The following PAOX variants were observed in gnomAD, a reference collection of about 807,000 sequenced individuals.
PAOX encodes peroxisomal N(1)-acetyl-spermine/spermidine oxidase.
In PAOX, 38 loss-of-function variants were observed where a neutral mutation model predicts 39.0. The ratio of observed to expected loss-of-function variants is 0.97; its 90% CI spans 0.75 to 1.28. The LOEUF (loss-of-function observed/expected upper bound fraction) is 1.28, where lower values mean the gene tolerates loss of function less well. PAOX is among the 50% of genes most tolerant of loss of function. The pLI is 0.00. For missense variants in PAOX, 667 were observed against 685.7 expected (o/e 0.97, Z 0.30); for synonymous variants, 311 against 314.4 (o/e 0.99, Z 0.11).
At chr10:133,389,411 G>C (rs1849609125) in intron 5 of PAOX, among the ~76,000 whole-genome samples, 179 bp from the exon 6 acceptor site, 2 of 152,080 alleles carry the variant, frequency 1.3e-5, no homozygotes. Flanking sequence ...CCGGGTCCCA[G>C]CCCACTGCTC....
intron 1 of PAOX, chr10:133,379,777 G>T (rs1490893552): frequency 8.8e-6 from 5 of 567,332 alleles, no homozygotes; most frequent in Non-Finnish European, 1.4e-5. Flanking sequence ...CCCACCCTGC[G>T]CCCCTCCCTC....
At position 133,383,995 on chromosome 10, in the gene PAOX, C is replaced by T. The variant is rs750263793; in HGVS notation, c.904C>T (p.Pro302Ser). ...GGAACATTTGGACACCTTCTTTGAC[C>T]CTCCCCTGCCGGCTGAGAAGGCAGA... The part of the protein sequence containing the change: ...LREHLDTFFD[P>S]PLPAEKAEAI... Residue 302 changes from proline to serine, a missense_variant, in exon 4 of 7, where the codon CCT (proline) becomes TCT (serine). Pro to Ser is a moderately conservative substitution (Grantham distance 74). Transcript: ENST00000278060. The T allele has an allele frequency of 7.4e-6, 12 of 1,614,098 alleles. No individual in the cohort carries two copies. Among genetic ancestry groups the T allele is most frequent in the Non-Finnish European group, 1.0e-5 (12 of 1,180,000 alleles).
intron 4 of PAOX, among the ~76,000 whole-genome samples, chr10:133,385,068 G>A (rs918492925): frequency 6.6e-6 from 1 of 152,154 alleles, no homozygotes; most frequent in Non-Finnish European, 1.5e-5. Context: ...GGCTGAGGCG[G>A]GTGGATCACC....
At chr10:133,383,618 A>G (rs1589894198) in intron 3 of PAOX, among the ~76,000 whole-genome samples, 1 of 125,982 alleles carries the variant, frequency 7.9e-6, no homozygotes, top group African/African-American at 2.8e-5. Flanking sequence ...AAAAAAAAAA[A>G]AGAAAACCCA....
Position 133,389,576 on chromosome 10 carries a change from T to G in PAOX, c.1235-14T>G. The G allele has an allele frequency of 6.2e-7, 1 of 1,613,896 alleles. No homozygotes were observed. The highest frequency in any genetic ancestry group is 8.5e-7 in the Non-Finnish European group (1 of 1,179,984). On this transcript the variant is annotated splice_polypyrimidine_tract_variant and intron_variant, in intron 5 of 6. Transcript: ENST00000278060. The stretch of plus-strand genomic sequence containing the variant: ...GAGAGTTCTCGGTTAACATGCAGTG[T>G]CTCTGTGGCTCAGGAAACCCACGGC...
chr10:133,383,361 G>A (rs963073479), intron 3 of PAOX, among the ~76,000 whole-genome samples: 7 of 151,898 alleles, frequency 4.6e-5, no homozygotes, highest in Admixed American at 2.6e-4. Context: ...CCAGCACTTC[G>A]GGAGGCTGAG....
At position 133,384,008 on chromosome 10, in the gene PAOX, C is replaced by G; in HGVS notation, c.917C>G (p.Ala306Gly). The G allele has an allele frequency of 1.2e-6, 2 of 1,614,210 alleles. No homozygotes were observed. The highest frequency in any genetic ancestry group is 4.5e-5 in the East Asian group (2 of 44,886). The change falls in exon 4 of 7, where the codon GCT becomes GGT. Residue 306 changes from alanine (A) to glycine (G), a missense_variant. By Grantham distance (60) the Ala-to-Gly change is moderately conservative. Coordinates refer to ENST00000278060, the MANE Select transcript of PAOX (RefSeq NM_152911.4). This position sits in a 1 kb window ranked among gnomAD's most constrained non-coding sequence, Gnocchi z 4.3. ...LDTFFDPPLP[A>G]EKAEAIRKIG... ...ACCTTCTTTGACCCTCCCCTGCCGG[C>G]TGAGAAGGCAGAAGCAATCAGGAAG...
Position 133,391,611 on chromosome 10 carries a change from A to G in PAOX, c.*156A>G, listed in dbSNP as rs886658225. The G allele has an allele frequency of 1.7e-6, 2 of 1,201,236 alleles. No homozygotes were observed. The highest frequency in any genetic ancestry group is 1.6e-5 in the South Asian group (1 of 62,030). 74.4% of individuals were successfully genotyped at this position (1,201,236 alleles called of 1,614,324 possible). On this transcript the variant is annotated 3_prime_UTR_variant, in exon 7 of 7. Transcript: ENST00000278060. ...CACCTTCTCAGTTCTTGTGTCTGTT[A>G]TTGGAGTCTGGCCAGGGTTGACTTG...
Position 133,391,483 on chromosome 10 carries a change from G to C in PAOX, c.*28G>C. On this transcript the variant is annotated 3_prime_UTR_variant, in exon 7 of 7. Transcript: ENST00000278060. ...GGGCCCAGCCTACTCTGTTCCACCC[G>C]TGTCGGGGGTAGGCTGGGACCCTCA... is the stretch of plus-strand genomic sequence containing the variant. The C allele has an allele frequency of 6.3e-7, 1 of 1,582,262 alleles. No homozygotes were observed. Among genetic ancestry groups the C allele is most frequent in the Non-Finnish European group, 8.6e-7 (1 of 1,164,300 alleles).
At chr10:133,391,069 A>C in intron 6 of PAOX, 1 of 697,652 alleles carries the variant, frequency 1.4e-6, no homozygotes, top group Non-Finnish European at 2.6e-6. Flanking sequence ...GATGCGTGTG[A>C]GCCGTTTTCC....
In PAOX at chr10:133,380,462, G is replaced by T; in HGVS notation, c.645G>T (p.Pro215=). ...CCTTTGGGGAGTATACCGTGCTGCCGGGGCTGGACTGCACCTTTTCTAAGT... is the reference window on the plus strand; with the variant it reads ...CCTTTGGGGAGTATACCGTGCTGCCTGGGCTGGACTGCACCTTTTCTAAGT... ...LAPFGEYTVL[P]GLDCTFSKGY... Residue 215 remains proline (P), a synonymous_variant, in exon 2 of 7, where the codon CCG becomes CCT. Coordinates refer to ENST00000278060, the MANE Select transcript of PAOX (RefSeq NM_152911.4). 1.2e-6 allele frequency: 2 copies of T among 1,610,030 alleles called. No homozygotes were observed. The highest frequency in any genetic ancestry group is 1.7e-6 in the Non-Finnish European group (2 of 1,179,738).
intron 6 of PAOX, among the ~76,000 whole-genome samples, chr10:133,390,518 A>C (rs1849647476): frequency 1.3e-5 from 2 of 152,148 alleles, no homozygotes; most frequent in African/African-American, 4.8e-5. Context: ...TTGAGGCTGG[A>C]GTAAGCTATG....
intron 6 of PAOX, 100 bp downstream of exon 6, chr10:133,389,847 G>C: frequency 7.9e-7 from 1 of 1,272,192 alleles, no homozygotes; most frequent in Non-Finnish European, 1.0e-6. Context: ...GGTGGGCTGG[G>C]ATCCCAGACT....
intron 3 of PAOX, among the ~76,000 whole-genome samples, chr10:133,382,146 G>A (rs1413533290): frequency 1.3e-5 from 2 of 152,194 alleles, no homozygotes; most frequent in East Asian, 1.9e-4. Flanking sequence ...CTGTCAACTG[G>A]ACATTTGCTT....
chr10:133,380,148 C>T lies in PAOX; in HGVS notation c.331C>T (p.Pro111Ser), dbSNP rs770088390. ...GGAGACCGGGGGTCACGTGGGCCTG[C>T]CCTCCGTGAGCTACGCCAGCTCCGG... ...LVETGGHVGL[P>S]SVSYASSGAS... Residue 111 changes from proline to serine, a missense_variant, in exon 2 of 7, where the codon CCC (proline) becomes TCC (serine). Pro to Ser is a moderately conservative substitution (Grantham distance 74). Coordinates refer to ENST00000278060, the MANE Select transcript of PAOX (RefSeq NM_152911.4). The T allele has an allele frequency of 2.5e-6, 4 of 1,600,598 alleles. No individual in the cohort carries two copies. Among genetic ancestry groups the T allele is most frequent in the Non-Finnish European group, 2.6e-6 (3 of 1,172,542 alleles).
At chr10:133,389,308 ATT>A (rs1420143436) in intron 5 of PAOX, among the ~76,000 whole-genome samples, 2 of 152,076 alleles carry the variant, frequency 1.3e-5, no homozygotes, top group African/African-American at 4.8e-5. Context: ...CCTTGATCAG[ATT>A]TTTACAGAGG....
chr10:133,379,622 C>T, intron 1 of PAOX, 125 bp downstream of exon 1: 2 of 814,082 alleles, frequency 2.5e-6, no homozygotes, highest in Non-Finnish European at 1.6e-6. Context: ...AGGGAATCCC[C>T]GCTCGCTTAA....
At chr10:133,383,750 A>G (rs745662108) in intron 3 of PAOX, among the ~76,000 whole-genome samples, 9 of 152,230 alleles carry the variant, frequency 5.9e-5, no homozygotes, top group Non-Finnish European at 1.3e-4. Flanking sequence ...GGCTGCAGTG[A>G]GCCCTGATCA....
rs1349572506 is a variant in PAOX at position 133,391,378 on chromosome 10, C to G, written c.1459C>G (p.Leu487Val). 1.2e-6 allele frequency: 2 copies of G among 1,613,336 alleles called. No individual in the cohort carries two copies. Among genetic ancestry groups the G allele is most frequent in the African/African-American group, 2.7e-5 (2 of 74,926 alleles). ...TTACTCCACGACGCACGGGGCTCTG[C>G]TGTCGGGATGGAGGGAGGCCGACCG... ...TFYSTTHGALLSGWREADRLL... is the reference protein window; with the variant it reads ...TFYSTTHGALVSGWREADRLL... Residue 487 changes from leucine (L) to valine (V), a missense_variant, in exon 7 of 7, where the codon CTG becomes GTG. Leu to Val is a conservative substitution (Grantham distance 32, BLOSUM62 1). Transcript: ENST00000278060.
Sources: gnomAD v4.1 joint callset for allele counts (sites outside exome capture counted in the v4.1 genomes callset) on GRCh38, gnomAD v4.1.1 for gene constraint, Gnocchi (gnomAD v3.1) non-coding constraint, MANE v1.5 for transcripts, NCBI Gene and HGNC (gene_info 2026-07-23, HGNC 2026-07-21) for gene names.